The following EMSY variants were observed in gnomAD, a reference collection of about 807,000 sequenced individuals.
EMSY encodes the protein EMSY transcriptional repressor, BRCA2 interacting, also known as BRCA2-interacting transcriptional repressor EMSY.
EMSY carries 26 observed loss-of-function variants against 134.6 expected under a neutral mutation model. The ratio of observed to expected loss-of-function variants is 0.19; its 90% CI spans 0.14 to 0.27. The LOEUF (loss-of-function observed/expected upper bound fraction) is 0.27. Ranked by LOEUF, EMSY falls within the 10% of genes least tolerant of loss-of-function variation. The pLI is 1.00. For missense variants in EMSY, 1,305 were observed against 1,611.4 expected (o/e 0.81, Z 3.26); for synonymous variants, 579 against 577.8 (o/e 1.00, Z -0.03).
intron 9 of EMSY, among the ~76,000 whole-genome samples, chr11:76,497,700 A>G (rs1307621033): frequency 6.6e-6 from 1 of 151,978 alleles, no homozygotes; most frequent in Non-Finnish European, 1.5e-5. Context: ...GTCCTGTTTC[A>G]TTTCTGATAT....
intron 15 of EMSY, among the ~76,000 whole-genome samples, chr11:76,536,263 A>G (rs1273980562): frequency 2.6e-5 from 4 of 152,152 alleles, no homozygotes. Flanking sequence ...GTGCACAGGA[A>G]TATTGAAGTA....
intron 7 of EMSY, among the ~76,000 whole-genome samples, chr11:76,465,021 C>G (rs1011548833): frequency 2.0e-5 from 3 of 152,142 alleles, no homozygotes; most frequent in African/African-American, 7.2e-5. Context: ...TTTCAGAATT[C>G]TGAAATTTCA....
At chr11:76,473,450 G>A (rs1404477640) in intron 8 of EMSY, among the ~76,000 whole-genome samples, 1 of 151,808 alleles carries the variant, frequency 6.6e-6, no homozygotes, top group Non-Finnish European at 1.5e-5. Context: ...GGGACCACAG[G>A]CACACACCAC....
At chr11:76,544,538 C>G (rs897926859) in exon 19 of EMSY, 2 of 1,614,158 alleles carry the variant, frequency 1.2e-6, no homozygotes, top group African/African-American at 2.7e-5. Context: ...AATGCCCCAG[C>G]TTTCCATCAG....
chr11:76,496,640 T>C (rs755579781), intron 9 of EMSY, 171 bp downstream of exon 10: 2 of 758,486 alleles, frequency 2.6e-6, no homozygotes, highest in South Asian at 3.1e-5. Context: ...GTTAGATTTG[T>C]ACCTAAGCAT....
At chr11:76,535,745 C>T (rs1951198794) in intron 14 of EMSY, 150 bp from the exon 16 acceptor site, 2 of 527,138 alleles carry the variant, frequency 3.8e-6, no homozygotes, top group Admixed American at 8.2e-5. Flanking sequence ...ATTATGCCTT[C>T]TAGGGGCTTA....
At chr11:76,473,955 A>G (rs1047966259) in intron 8 of EMSY, among the ~76,000 whole-genome samples, 15 of 150,058 alleles carry the variant, frequency 1.0e-4, no homozygotes, top group Non-Finnish European at 1.5e-4. Flanking sequence ...CCTGGTGAAC[A>G]TGGCTGTACT....
At chr11:76,474,676 T>C in intron 8 of EMSY, among the ~76,000 whole-genome samples, 1 of 152,212 alleles carries the variant, frequency 6.6e-6, no homozygotes, top group East Asian at 1.9e-4. Flanking sequence ...AGTCTTCAAA[T>C]TTCCTTTTAT....
chr11:76,544,911 G>A, intron 19 of EMSY, 89 bp downstream of exon 20: 2 of 1,381,894 alleles, frequency 1.4e-6, no homozygotes, highest in Non-Finnish European at 9.8e-7. Flanking sequence ...TGATATCAGT[G>A]CTTTCTCCTG....
At chr11:76,454,575 C>G (rs991757348) in intron 4 of EMSY, among the ~76,000 whole-genome samples, 174 bp from the exon 5 acceptor site, 1 of 152,008 alleles carries the variant, frequency 6.6e-6, no homozygotes, top group African/African-American at 2.4e-5. Flanking sequence ...AATTTATGTG[C>G]TAGAGAATAA....
At chr11:76,471,669 T>C (rs891710633) in intron 7 of EMSY, among the ~76,000 whole-genome samples, 2 of 152,144 alleles carry the variant, frequency 1.3e-5, no homozygotes, top group Middle Eastern at 3.2e-3. Context: ...GATTAGACTA[T>C]GATTATGGGT....
At chr11:76,466,572 C>A (rs759030810) in intron 7 of EMSY, among the ~76,000 whole-genome samples, 1 of 152,102 alleles carries the variant, frequency 6.6e-6, no homozygotes, top group African/African-American at 2.4e-5. Context: ...GTCTTTCAAC[C>A]TTTGAATCTT....
rs565884314 is a variant in EMSY at position 76,454,711 on chromosome 11, A to G, written c.245+1323A>G. 5 of 1,350,514 alleles carry G rather than the reference A, an allele frequency of 3.7e-6. No individual in the cohort carries two copies. In the East Asian group the frequency reaches 1.3e-4, roughly 34 times the overall value. 83.7% of individuals were successfully genotyped at this position (1,350,514 alleles called of 1,614,324 possible). ...ATCAGTTTCATACTTAAAGGATAAC[A>G]TTTATTTAGTCTCCTTTTCCTTTTT... On this transcript the variant is annotated intron_variant, in intron 4 of 20. Coordinates refer to ENST00000334736, the Ensembl canonical transcript of EMSY.
intron 2 of EMSY, among the ~76,000 whole-genome samples, chr11:76,448,103 C>T (rs752043999): frequency 2.0e-5 from 3 of 152,114 alleles, no homozygotes; most frequent in African/African-American, 2.4e-5. Context: ...CTCTCTGCCT[C>T]ATTAGTTTGT....
chr11:76,473,180 CA>C (rs2135373047), intron 8 of EMSY, among the ~76,000 whole-genome samples: 1 of 152,110 alleles, frequency 6.6e-6, no homozygotes, highest in South Asian at 2.1e-4. Context: ...ATTATATTAC[CA>C]TAGGTTCTTC....
chr11:76,530,269 C>T (rs111333083), intron 14 of EMSY, among the ~76,000 whole-genome samples: 1 of 149,280 alleles, frequency 6.7e-6, no homozygotes, highest in Non-Finnish European at 1.5e-5. Flanking sequence ...AAGCGATTCT[C>T]CTGCCTCAGC....
exon 15 of EMSY, chr11:76,535,989 G>C: frequency 6.2e-7 from 1 of 1,604,554 alleles, no homozygotes; most frequent in Admixed American, 1.7e-5. Context: ...TAATTTATCA[G>C]GATGTATCCA....
In EMSY at chr11:76,466,701, G is replaced by A. The variant is rs920233915; in HGVS notation, c.831+2621G>A. On this transcript the variant is annotated intron_variant, in intron 7 of 20. Coordinates refer to ENST00000334736, the Ensembl canonical transcript of EMSY. ...TAGAAGTGATAATGAGCTGATCTGT[G>A]GGATGTAATTCTATTTTCAGTCTGA... 4.6e-5 allele frequency among the ~76,000 whole-genome samples: 7 copies of A among 152,204 alleles called. No homozygotes were observed. The South Asian group carries it at 8.3e-4, about 18-fold the overall frequency.
chr11:76,448,673 A>T (rs1242321612), intron 2 of EMSY, among the ~76,000 whole-genome samples: 2 of 151,888 alleles, frequency 1.3e-5, no homozygotes, highest in African/African-American at 4.8e-5. Context: ...GACCCCTCAT[A>T]TTGGGAGGTG....
Sources: gnomAD v4.1 joint callset for allele counts (sites outside exome capture counted in the v4.1 genomes callset) on GRCh38, gnomAD v4.1.1 for gene constraint, MANE v1.5 for transcripts, NCBI Gene and HGNC (gene_info 2026-07-23, HGNC 2026-07-21) for gene names.